Variants in LINC01488 observed in about 807,000 individuals in gnomAD.
The protein encoded by LINC01488 is CCND1-upstream intergenic DNA repair 1.
chr11:69,483,064 C>T (rs1174306342), intron 1 of LINC01488, among the ~76,000 whole-genome samples: 1 of 152,124 alleles, frequency 6.6e-6, no homozygotes, highest in Admixed American at 6.5e-5. Flanking sequence ...GTGATTCAGC[C>T]CATAACAGTT....
At chr11:69,486,450 G>A (rs1373392759) in intron 1 of LINC01488, among the ~76,000 whole-genome samples, 4 of 152,250 alleles carry the variant, frequency 2.6e-5, no homozygotes, top group African/African-American at 9.6e-5. Context: ...GCCTGAGCTT[G>A]GCTTGTGATT....
At chr11:69,485,467 C>G (rs1857100422) in intron 1 of LINC01488, 1 of 152,316 alleles carries the variant, frequency 6.6e-6, no homozygotes, top group African/African-American at 2.4e-5. Context: ...GCCCCAGGTG[C>G]CTGCCTAGGC....
At chr11:69,488,628 C>A (rs1417945269) in intron 1 of LINC01488, among the ~76,000 whole-genome samples, 3 of 152,258 alleles carry the variant, frequency 2.0e-5, no homozygotes, top group Non-Finnish European at 2.9e-5. Context: ...GAACGTTGTG[C>A]CGCCTGTCGG....
chr11:69,481,715 A>G (rs917908614), exon 1 of LINC01488: 5 of 152,294 alleles, frequency 3.3e-5, no homozygotes, highest in Non-Finnish European at 4.4e-5. Context: ...CACAGAGAGG[A>G]CACCTGCCCT....
intron 1 of LINC01488, among the ~76,000 whole-genome samples, chr11:69,488,813 T>C (rs905977057): frequency 6.6e-6 from 1 of 152,134 alleles, no homozygotes. Flanking sequence ...AAGGGCCGAT[T>C]TGAGTGCCGG....
chr11:69,482,247 T>A (rs1857054589), intron 1 of LINC01488, among the ~76,000 whole-genome samples: 2 of 152,220 alleles, frequency 1.3e-5, no homozygotes, highest in South Asian at 4.1e-4. Context: ...AACCATCAGA[T>A]CTCATGAGAC....
intron 1 of LINC01488, among the ~76,000 whole-genome samples, chr11:69,489,934 G>A (rs950373913): frequency 3.9e-5 from 6 of 152,084 alleles, no homozygotes; most frequent in African/African-American, 1.4e-4. Context: ...CCAGGGGTGG[G>A]GGTGCCAATC....
At chr11:69,487,353 C>T (rs1395025767) in intron 1 of LINC01488, among the ~76,000 whole-genome samples, 1 of 152,144 alleles carries the variant, frequency 6.6e-6, no homozygotes, top group Non-Finnish European at 1.5e-5. Context: ...CCAGGGCCCT[C>T]GAAAAATCAC....
intron 1 of LINC01488, chr11:69,488,308 G>C (rs1372405491): frequency 6.6e-6 from 1 of 152,366 alleles, no homozygotes; most frequent in Non-Finnish European, 1.5e-5. Flanking sequence ...CCTGGACCAG[G>C]GTAAGAGGGA....
At chr11:69,488,621 C>A (rs117193760) in intron 1 of LINC01488, among the ~76,000 whole-genome samples, 21,866 of 152,268 alleles carry the variant, frequency 0.14, 2,033 homozygotes, top group Admixed American at 0.23. Flanking sequence ...CACAATGGAA[C>A]GTTGTGCCGC....
chr11:69,487,248 G>A (rs1565192833), intron 1 of LINC01488, among the ~76,000 whole-genome samples: 1 of 152,196 alleles, frequency 6.6e-6, no homozygotes, highest in Non-Finnish European at 1.5e-5. Context: ...AGCGGAGGAT[G>A]GGAGGAGAGA....
chr11:69,484,446 A>G (rs993787292), intron 1 of LINC01488, among the ~76,000 whole-genome samples: 6 of 152,168 alleles, frequency 3.9e-5, no homozygotes, highest in African/African-American at 9.6e-5. Context: ...TGCCTTCTGC[A>G]CATCCTTGTT....
intron 1 of LINC01488, among the ~76,000 whole-genome samples, chr11:69,487,004 C>T (rs916855968): frequency 6.6e-6 from 1 of 152,236 alleles, no homozygotes; most frequent in Admixed American, 6.5e-5. Flanking sequence ...GGGTCCTGGC[C>T]CCTCCTACTC....
intron 1 of LINC01488, among the ~76,000 whole-genome samples, chr11:69,487,343 C>G (rs1447428152): frequency 6.6e-6 from 1 of 152,188 alleles, no homozygotes; most frequent in Non-Finnish European, 1.5e-5. Context: ...CTGCAGGCCA[C>G]CAGGGCCCTC....
chr11:69,484,448 A>G (rs908413212), intron 1 of LINC01488, among the ~76,000 whole-genome samples: 2 of 152,158 alleles, frequency 1.3e-5, no homozygotes, highest in African/African-American at 2.4e-5. Flanking sequence ...CCTTCTGCAC[A>G]TCCTTGTTGA....
intron 1 of LINC01488, among the ~76,000 whole-genome samples, chr11:69,487,486 A>G (rs550257): frequency 0.86 from 131,705 of 152,302 alleles, 57,012 homozygotes; most frequent in East Asian, 0.97. Flanking sequence ...CTGAGTAAGG[A>G]CTGACGGGGA....
intron 1 of LINC01488, among the ~76,000 whole-genome samples, chr11:69,490,265 CTG>C (rs1188038618): frequency 1.3e-5 from 2 of 152,220 alleles, no homozygotes; most frequent in African/African-American, 2.4e-5. Flanking sequence ...GCTGCAGTCT[CTG>C]TAGGGTAGAG....
chr11:69,485,098 G>C (rs1003773567), intron 1 of LINC01488, among the ~76,000 whole-genome samples: 6 of 152,164 alleles, frequency 3.9e-5, no homozygotes, highest in African/African-American at 1.4e-4. Context: ...TGGGGGGCGG[G>C]GTGGAGTTCA....
intron 1 of LINC01488, among the ~76,000 whole-genome samples, chr11:69,484,704 G>A (rs535421470): frequency 6.6e-6 from 1 of 152,358 alleles, no homozygotes; most frequent in South Asian, 2.1e-4. Context: ...CGCAGCTGCT[G>A]AGCCCTGCTG....
Sources: allele counts gnomAD v4.1 joint callset (sites outside exome capture counted in the v4.1 genomes callset), GRCh38; gene constraint gnomAD v4.1.1; transcripts MANE v1.5; gene names NCBI Gene and HGNC (gene_info 2026-07-23, HGNC 2026-07-21).